SAMD4A: variants seen among roughly 807,000 people sequenced by gnomAD.
The protein encoded by SAMD4A is protein Smaug homolog 1.
A neutral mutation model predicts 81.3 loss-of-function variants in SAMD4A; 33 were observed. The observed-to-expected ratio is 0.41, with a 90% CI of 0.31 to 0.54. The LOEUF is 0.54. Ranked by LOEUF, SAMD4A falls within the 20% of genes least tolerant of loss-of-function variation. The probability of loss-of-function intolerance (pLI) is 0.37; values close to 1 mark genes in which losing one functional copy is unlikely to be tolerated. For synonymous variants in SAMD4A, 389 were observed against 382.1 expected (o/e 1.02, Z -0.21); for missense variants, 854 against 951.1 (o/e 0.90, Z 1.34).
chr14:54,632,887 A>C (rs1431908817), intron 2 of SAMD4A, among the ~76,000 whole-genome samples: 1 of 152,240 alleles, frequency 6.6e-6, no homozygotes, highest in African/African-American at 2.4e-5. Flanking sequence ...ATCTGTCACT[A>C]TGTATAGTAA....
At chr14:54,706,520 G>C (rs1432016166) in intron 3 of SAMD4A, among the ~76,000 whole-genome samples, 1 of 150,370 alleles carries the variant, frequency 6.7e-6, no homozygotes, top group Non-Finnish European at 1.5e-5. Context: ...CAGGAGAATT[G>C]CTTGAACCTG....
intron 2 of SAMD4A, among the ~76,000 whole-genome samples, chr14:54,572,624 T>G (rs1214350214): frequency 1.3e-5 from 2 of 152,224 alleles, no homozygotes; most frequent in Non-Finnish European, 2.9e-5. Context: ...CATCTATTTA[T>G]AGTCATAGGA....
intron 11 of SAMD4A, among the ~76,000 whole-genome samples, chr14:54,782,647 G>C (rs2139975391): frequency 6.6e-6 from 1 of 152,306 alleles, no homozygotes. Flanking sequence ...ACATGGGTCA[G>C]GAAGAACACA....
intron 2 of SAMD4A, among the ~76,000 whole-genome samples, chr14:54,664,470 A>G (rs1005725388): frequency 6.6e-6 from 1 of 152,334 alleles, no homozygotes; most frequent in South Asian, 2.1e-4. Context: ...AGGAGCGCGC[A>G]GACACACATC....
At chr14:54,788,711 C>G (rs901738530) in intron 12 of SAMD4A, among the ~76,000 whole-genome samples, 3 of 152,186 alleles carry the variant, frequency 2.0e-5, no homozygotes, top group Admixed American at 2.0e-4. Context: ...CATCTTGGTT[C>G]TCAGGTTCAA....
At position 54,791,012 on chromosome 14, in the gene SAMD4A, G is replaced by A. The variant is rs2039251215; in HGVS notation, c.*2068G>A. The A allele has an allele frequency of 6.6e-6, 1 of 152,082 alleles. No individual in the cohort carries two copies. The highest frequency in any genetic ancestry group is 1.5e-5 in the Non-Finnish European group (1 of 68,008). 9.4% of individuals were successfully genotyped at this position (152,082 alleles called of 1,614,324 possible). A position where few individuals can be genotyped will look rare whatever the true frequency, so the allele number is the denominator to read the frequency against. On this transcript the variant is annotated 3_prime_UTR_variant, in exon 13 of 13. Coordinates refer to ENST00000554335, the MANE Select transcript of SAMD4A (RefSeq NM_015589.6). ...AAAAAAGGTTCAGACCTCTCCTTGG[G>A]TGACTAAGTTCTAAAGATGCAAATC...
intron 2 of SAMD4A, among the ~76,000 whole-genome samples, chr14:54,583,164 G>A (rs1248476133): frequency 6.6e-6 from 1 of 152,106 alleles, no homozygotes; most frequent in East Asian, 1.9e-4. Flanking sequence ...TACCTTTTAA[G>A]AAATCCTGCA....
chr14:54,775,636 C>G (rs2038823358), intron 10 of SAMD4A, among the ~76,000 whole-genome samples: 1 of 152,118 alleles, frequency 6.6e-6, no homozygotes, highest in African/African-American at 2.4e-5. Flanking sequence ...GCTGACTTCT[C>G]TGGCCCGTCG....
intron 3 of SAMD4A, among the ~76,000 whole-genome samples, chr14:54,719,246 A>G (rs978919821): frequency 6.6e-6 from 1 of 151,946 alleles, no homozygotes; most frequent in African/African-American, 2.4e-5. Context: ...AGTCTACACA[A>G]TTGTGTAGAC....
chr14:54,649,028 G>A lies in SAMD4A; in HGVS notation c.197-53034G>A, dbSNP rs2035347401. ...AGATGTGTGGTGTGAGAGAAAGAGG[G>A]GAGTTGAGGATGATTCCAAAGTTTT... On this transcript the variant is annotated intron_variant, in intron 2 of 12. Transcript: ENST00000554335. Among the ~76,000 whole-genome samples, 3 of 152,110 alleles carry A rather than the reference G, an allele frequency of 2.0e-5. No individual in the cohort carries two copies. The South Asian group carries it at 6.2e-4, about 32-fold the overall frequency.
At chr14:54,720,238 A>G (rs1409404293) in intron 3 of SAMD4A, among the ~76,000 whole-genome samples, 2 of 152,054 alleles carry the variant, frequency 1.3e-5, no homozygotes, top group Non-Finnish European at 2.9e-5. Context: ...ATAGCTGCCA[A>G]ATCTTTTCTA....
chr14:54,702,016 A>G, intron 2 of SAMD4A, 46 bp from the exon 3 acceptor site: 1 of 1,584,818 alleles, frequency 6.3e-7, no homozygotes, highest in Non-Finnish European at 8.6e-7. Flanking sequence ...GTTTAGAGTC[A>G]CTGTGGGTGT....
At chr14:54,683,223 G>A (rs2140586686) in intron 2 of SAMD4A, among the ~76,000 whole-genome samples, 1 of 152,334 alleles carries the variant, frequency 6.6e-6, no homozygotes, top group East Asian at 1.9e-4. Flanking sequence ...GATCCTTATA[G>A]GGATGGCTGA....
In SAMD4A at chr14:54,576,881, C is replaced by T. The variant is rs114086355; in HGVS notation, c.196+8769C>T. ...AGATCTCTGGTGCTGTACATTGAAGCTCACATGTTGGACATTATCACTAGT... is the reference window on the plus strand; with the variant it reads ...AGATCTCTGGTGCTGTACATTGAAGTTCACATGTTGGACATTATCACTAGT... On this transcript the variant is annotated intron_variant, in intron 2 of 12. Coordinates refer to ENST00000554335, the MANE Select transcript of SAMD4A (RefSeq NM_015589.6). Among the ~76,000 whole-genome samples the T allele has an allele frequency of 5.9e-3, 897 of 152,342 alleles. 10 individuals are homozygous for T. Among genetic ancestry groups the T allele is most frequent in the African/African-American group, 0.021 (870 of 41,580 alleles).
At chr14:54,687,466 C>A in intron 2 of SAMD4A, 1 of 414,162 alleles carries the variant, frequency 2.4e-6, no homozygotes, top group Non-Finnish European at 4.7e-6. Flanking sequence ...AAAAAGGCAG[C>A]CAAAAAACAA....
chr14:54,601,263 G>T (rs546656045), intron 2 of SAMD4A, among the ~76,000 whole-genome samples: 4 of 152,132 alleles, frequency 2.6e-5, no homozygotes, highest in African/African-American at 7.2e-5. Context: ...CTGTTTCCTG[G>T]TAGTTGCCTC....
At chr14:54,607,545 T>C (rs1332833488) in intron 2 of SAMD4A, among the ~76,000 whole-genome samples, 1 of 150,808 alleles carries the variant, frequency 6.6e-6, no homozygotes, top group East Asian at 2.0e-4. Flanking sequence ...AAGCTCCGCC[T>C]CCTGGGTTCA....
At chr14:54,607,565 C>A (rs7143538) in intron 2 of SAMD4A, among the ~76,000 whole-genome samples, 1 of 151,164 alleles carries the variant, frequency 6.6e-6, no homozygotes, top group African/African-American at 2.4e-5. Context: ...ATGCCATTCT[C>A]CTGCCTCAGC....
chr14:54,763,010 A>G (rs984776531), intron 7 of SAMD4A, among the ~76,000 whole-genome samples: 1 of 151,526 alleles, frequency 6.6e-6, no homozygotes, highest in African/African-American at 2.4e-5. Context: ...GCCCGCCACC[A>G]CGCCTGGCTA....
Sources: allele counts gnomAD v4.1 joint callset (sites outside exome capture counted in the v4.1 genomes callset), GRCh38; gene constraint gnomAD v4.1.1; transcripts MANE v1.5; gene names NCBI Gene and HGNC (gene_info 2026-07-23, HGNC 2026-07-21).